The following PRRC2B variants were observed in gnomAD, a reference collection of about 807,000 sequenced individuals.
The protein encoded by PRRC2B is protein PRRC2B.
A neutral mutation model predicts 242.3 loss-of-function variants in PRRC2B; 68 were observed. The ratio of observed to expected loss-of-function variants is 0.28; its 90% CI spans 0.23 to 0.34. The LOEUF (loss-of-function observed/expected upper bound fraction) is 0.34, where lower values mean the gene tolerates loss of function less well. Ranked by LOEUF, PRRC2B falls within the 10% of genes least tolerant of loss-of-function variation. The pLI is 1.00. For synonymous variants in PRRC2B, 1,228 were observed against 1,173.6 expected, an observed-to-expected ratio of 1.05 and a Z score of -0.95; for missense variants, 2,835 against 2,954.8, an observed-to-expected ratio of 0.96 and a Z score of 0.94.
At chr9:131,420,506 T>TCTTTC (rs1005688310) in intron 1 of PRRC2B, among the ~76,000 whole-genome samples, 3 of 124,682 alleles carry the variant, frequency 2.4e-5, no homozygotes, top group African/African-American at 6.3e-5. Context: ...TTTTTTTTTT[T>TCTTTC]TTTTGAGATG....
At chr9:131,457,703 C>T (rs78653544) in intron 10 of PRRC2B, among the ~76,000 whole-genome samples, 9,257 of 152,164 alleles carry the variant, frequency 0.061, 361 homozygotes, top group Admixed American at 0.12. Context: ...ATCCTTTCAG[C>T]CTGTCCTCCA....
chr9:131,481,874 C>T (rs923560808), intron 20 of PRRC2B, 66 bp downstream of exon 20: 11 of 1,425,778 alleles, frequency 7.7e-6, no homozygotes, highest in Non-Finnish European at 9.6e-7. Context: ...TCACCATCCA[C>T]ACGGCCAGCT....
upstream of PRRC2B, among the ~76,000 whole-genome samples, chr9:131,390,250 C>G (rs1407614749): frequency 6.7e-6 from 1 of 149,778 alleles, no homozygotes; most frequent in East Asian, 2.0e-4. Context: ...CCTTCTCTGC[C>G]CAGTTCAACA....
chr9:131,453,662 G>T (rs1216078782), intron 9 of PRRC2B, among the ~76,000 whole-genome samples: 2 of 152,140 alleles, frequency 1.3e-5, no homozygotes, highest in Non-Finnish European at 2.9e-5. Context: ...CTCCGGAGTA[G>T]CTGGGACTAC....
chr9:131,431,097 T>C (rs530253806), intron 2 of PRRC2B, among the ~76,000 whole-genome samples: 15 of 152,066 alleles, frequency 9.9e-5, no homozygotes, highest in African/African-American at 3.1e-4. Flanking sequence ...ATTACAGGCA[T>C]GTGCCACCAC....
chr9:131,384,448 A>G (rs1232081355), intron 1 of PRRC2B, among the ~76,000 whole-genome samples: 1 of 151,346 alleles, frequency 6.6e-6, no homozygotes, highest in Non-Finnish European at 1.5e-5. Context: ...ATGCCCGGCT[A>G]ATTTTTTGTA....
Position 131,482,487 on chromosome 9 carries a change from G to C in PRRC2B, c.5100G>C (p.Glu1700Asp). ...CATATGGGACTCTGAAGCCAGAGGA[G>C]ATGAGCGGGCCCGGCCTGGCGGAAC... The part of the protein sequence containing the change: ...SSPYGTLKPE[E>D]MSGPGLAEPK... Residue 1700 changes from glutamate to aspartate, a missense_variant, in exon 21 of 32, where the codon GAG becomes GAC. Physicochemically the swap from Glu to Asp is conservative, Grantham distance 45 (BLOSUM62 2). This residue lies in a region of PRRC2B where 51 missense variants were observed against 45.1 expected (regional missense o/e 1.13). Coordinates refer to ENST00000683519, the MANE Select transcript of PRRC2B (RefSeq NM_013318.4). This position sits in a 1 kb window ranked among gnomAD's most constrained non-coding sequence, Gnocchi z 5.2. 1.9e-6 allele frequency: 3 copies of C among 1,612,264 alleles called. No individual in the cohort carries two copies. The highest frequency in any genetic ancestry group is 2.5e-6 in the Non-Finnish European group (3 of 1,178,400).
At chr9:131,392,966 C>A (rs1400726600), upstream of PRRC2B, among the ~76,000 whole-genome samples, 2 of 150,518 alleles carry the variant, frequency 1.3e-5, no homozygotes, top group Non-Finnish European at 3.0e-5. Flanking sequence ...CTGAAAATGA[C>A]CATGGATAAA....
Position 131,447,697 on chromosome 9 carries a change from G to T in PRRC2B, c.1013G>T (p.Arg338Leu). 6.2e-7 allele frequency: 1 copy of T among 1,611,058 alleles called. No homozygotes were observed. The highest frequency in any genetic ancestry group is 8.5e-7 in the Non-Finnish European group (1 of 1,178,326). ...ENRLGLSRPLRPLRQLVERAP... is the reference protein window; with the variant it reads ...ENRLGLSRPLLPLRQLVERAP... Reference sequence around the variant, plus strand: ...AGGCTGGGATTGTCTCGCCCACTCCGCCCACTAAGGCAGCTGGTGGAGCGG... The same window carrying T: ...AGGCTGGGATTGTCTCGCCCACTCCTCCCACTAAGGCAGCTGGTGGAGCGG... Residue 338 changes from arginine to leucine, a missense_variant, in exon 9 of 32, where the codon CGC (arginine) becomes CTC (leucine). Coordinates refer to ENST00000683519, the MANE Select transcript of PRRC2B (RefSeq NM_013318.4).
chr9:131,474,418 C>T (rs753368346), intron 15 of PRRC2B, 36 bp from the exon 16 acceptor site: 2 of 1,553,592 alleles, frequency 1.3e-6, no homozygotes, highest in Non-Finnish European at 1.8e-6. Context: ...AACCAGGCTC[C>T]AATCGCATTG....
At chr9:131,490,409 T>G (rs1944155069) in intron 28 of PRRC2B, 2 of 517,420 alleles carry the variant, frequency 3.9e-6, no homozygotes, top group Non-Finnish European at 7.7e-6. Flanking sequence ...TGGCAGCATC[T>G]TCCCATCATT....
At chr9:131,433,674 G>T (rs531502999) in intron 3 of PRRC2B, among the ~76,000 whole-genome samples, 1 of 152,192 alleles carries the variant, frequency 6.6e-6, no homozygotes, top group Non-Finnish European at 1.5e-5. Flanking sequence ...CGCCCTCCTG[G>T]CCTGCATCTC....
chr9:131,430,589 GTGTGTGTATA>G lies in PRRC2B; in HGVS notation c.115+332_115+341del, dbSNP rs1168251174. Among the ~76,000 whole-genome samples the G allele has an allele frequency of 3.2e-3, 438 of 138,284 alleles. 7 individuals carry two copies. Among genetic ancestry groups the G allele is most frequent in the African/African-American group, 0.011 (400 of 36,420 alleles). The allele number at this position is 138,284 out of a possible 152,430, so 90.7% of individuals were successfully genotyped here. A position where few individuals can be genotyped will look rare whatever the true frequency, so the allele number is the denominator to read the frequency against. ...TGTGTGTGTGTGTGTGTGTGTGTGT[GTGTGTGTATA>G]TATATGTTTTGGAGACAGAGTCTCA... On this transcript the variant is annotated intron_variant, in intron 2 of 31. Coordinates refer to ENST00000683519, the MANE Select transcript of PRRC2B (RefSeq NM_013318.4).
upstream of PRRC2B, among the ~76,000 whole-genome samples, chr9:131,392,107 T>C (rs1268886312): frequency 1.3e-5 from 2 of 149,664 alleles, no homozygotes; most frequent in East Asian, 2.0e-4. Flanking sequence ...TTCTTTCTTT[T>C]TTTTTTTTTG....
chr9:131,462,657 G>T (rs939588203), intron 11 of PRRC2B, among the ~76,000 whole-genome samples: 2 of 151,308 alleles, frequency 1.3e-5, no homozygotes, highest in African/African-American at 4.8e-5. Flanking sequence ...GACCAACATG[G>T]TGAAACCCCA....
At chr9:131,438,367 T>C (rs1838443214) in intron 4 of PRRC2B, among the ~76,000 whole-genome samples, 1 of 152,042 alleles carries the variant, frequency 6.6e-6, no homozygotes, top group South Asian at 2.1e-4. Flanking sequence ...ACTAGAGCCT[T>C]CTCAGGGGGT....
Position 131,495,921 on chromosome 9 carries a change from C to A in PRRC2B, c.*47C>A, listed in dbSNP as rs1280141478. ...CCTCTCCCTACTGAGGACGGTGCCG[C>A]CATGCGGCCTCGACACAGCCGACAC... On this transcript the variant is annotated 3_prime_UTR_variant, in exon 32 of 32. Transcript: ENST00000683519. 1 of 1,580,914 alleles carries A rather than the reference C, an allele frequency of 6.3e-7. No homozygotes were observed. The highest frequency in any genetic ancestry group is 1.1e-5 in the South Asian group (1 of 90,424).
chr9:131,447,736 C>G lies in PRRC2B; in HGVS notation c.1052C>G (p.Thr351Ser), dbSNP rs1838850144. ...CTGGTGGAGCGGGCACCACGGCCCA[C>G]CATTATCAATGCGGAAAACCTGAAG... ...RQLVERAPRP[T>S]IINAENLKGL... Residue 351 changes from threonine to serine, a missense_variant, in exon 9 of 32, where the codon ACC becomes AGC. Around this residue, in one of 7 missense-constraint regions of PRRC2B, gnomAD observed 626 missense variants for 685.5 expected, o/e 0.91. Transcript: ENST00000683519. The G allele has an allele frequency of 6.2e-7, 1 of 1,613,816 alleles. No homozygotes were observed. Among genetic ancestry groups the G allele is most frequent in the Non-Finnish European group, 8.5e-7 (1 of 1,179,770 alleles).
At chr9:131,387,494 A>G (rs1836840969) in intron 1 of PRRC2B, among the ~76,000 whole-genome samples, 1 of 150,512 alleles carries the variant, frequency 6.6e-6, no homozygotes, top group Non-Finnish European at 1.5e-5. Flanking sequence ...GTTGACACTC[A>G]GTATTAACCA....
Sources: allele counts gnomAD v4.1 joint callset (sites outside exome capture counted in the v4.1 genomes callset), GRCh38; gene constraint gnomAD v4.1.1; regional missense constraint gnomAD v4.1.1; non-coding constraint Gnocchi (gnomAD v3.1); transcripts MANE v1.5; gene names NCBI Gene and HGNC (gene_info 2026-07-23, HGNC 2026-07-21).